Variants in MYO1E observed in about 807,000 individuals in gnomAD.
MYO1E encodes the protein myosin IE.
Under a neutral mutation model 151.1 loss-of-function variants are expected in MYO1E, and 68 were observed. That is an observed-to-expected ratio of 0.45 (90% confidence interval 0.37 to 0.55). MYO1E has a LOEUF of 0.55. MYO1E is among the 20% of genes least tolerant of loss of function. MYO1E has a pLI of 0.00. For synonymous variants in MYO1E, 601 were observed against 501.7 expected (o/e 1.20, Z -2.64); for missense variants, 1,363 against 1,389.3 (o/e 0.98, Z 0.30).
intron 1 of MYO1E, among the ~76,000 whole-genome samples, chr15:59,303,246 T>TTGTATTTTGGTAGAG (rs1467956988): frequency 6.6e-6 from 1 of 152,206 alleles, no homozygotes; most frequent in Non-Finnish European, 1.5e-5. Flanking sequence ...ACCCTGTCTC[T>TTGTATTTTGGTAGAG]ACCAAAAATA....
rs774695459 is a variant in MYO1E at position 59,173,901 on chromosome 15, A to C, written c.2179T>G (p.Leu727Val). ...TTTCTCCTTCTCTCCTTCTTGTTCA[A>C]TAAGAGGTCTGAGGCTACAATTCCC... ...QMREEASDLL[L>V]NKKERRRNSI... The change falls in exon 21 of 28, where the codon TTG becomes GTG. Residue 727 changes from leucine (L) to valine (V), a missense_variant. Leu to Val is a conservative substitution (Grantham distance 32). Coordinates refer to ENST00000288235, the MANE Select transcript of MYO1E (RefSeq NM_004998.4). The C allele has an allele frequency of 6.2e-7, 1 of 1,614,126 alleles. No homozygotes were observed. Among genetic ancestry groups the C allele is most frequent in the Non-Finnish European group, 8.5e-7 (1 of 1,179,998 alleles).
At chr15:59,359,826 T>C (rs2080875667) in intron 1 of MYO1E, 1 of 152,154 alleles carries the variant, frequency 6.6e-6, no homozygotes, top group Non-Finnish European at 1.5e-5. Context: ...GTCCCCTCAG[T>C]GGCTGGAGAT....
chr15:59,285,054 CT>C (rs1278026419), intron 1 of MYO1E, among the ~76,000 whole-genome samples: 3 of 152,212 alleles, frequency 2.0e-5, no homozygotes, highest in African/African-American at 4.8e-5. Context: ...CACATCACCA[CT>C]CTTGTTTTTA....
intron 2 of MYO1E, among the ~76,000 whole-genome samples, chr15:59,267,615 T>C (rs1176052212): frequency 6.6e-6 from 1 of 152,234 alleles, no homozygotes; most frequent in African/African-American, 2.4e-5. Context: ...GGACTCCTAA[T>C]TCAAGGATTA....
Position 59,223,185 on chromosome 15 carries a change from T to C in MYO1E, c.784A>G (p.Met262Val), listed in dbSNP as rs1471326207. 1.2e-6 allele frequency: 2 copies of C among 1,614,140 alleles called. No individual in the cohort carries two copies. Among genetic ancestry groups the C allele is most frequent in the South Asian group, 1.1e-5 (1 of 91,076 alleles). ...RREFQETLHA[M>V]NVIGIFAEEQ... ...TCTGCAAAGATCCCAATCACATTCA[T>C]GGCGTGCTGGAAGAGAAAAGAGAAA... Residue 262 changes from methionine to valine, a missense_variant, in exon 9 of 28, where the codon ATG becomes GTG. Met to Val is a conservative substitution (Grantham distance 21). Transcript: ENST00000288235.
In MYO1E at chr15:59,241,297, A is replaced by T. The variant is rs114918378; in HGVS notation, c.333-4625T>A. 1.9e-3 allele frequency among the ~76,000 whole-genome samples: 285 copies of T among 152,326 alleles called. 2 individuals carry two copies. The highest frequency in any genetic ancestry group is 6.5e-3 in the African/African-American group (269 of 41,566). On this transcript the variant is annotated intron_variant, in intron 4 of 27. Coordinates refer to ENST00000288235, the MANE Select transcript of MYO1E (RefSeq NM_004998.4). ...TGTGGGAGGCCACGGGAGTTGGAGA[A>T]CCAGCCTTAGCAAACAGCAAGATCT... is the stretch of plus-strand genomic sequence containing the variant.
chr15:59,214,438 G>T, intron 11 of MYO1E, 124 bp from the exon 12 acceptor site: 1 of 898,856 alleles, frequency 1.1e-6, no homozygotes, highest in South Asian at 1.5e-5. Context: ...TGCATCAAAA[G>T]AAATAAGTTT....
intron 4 of MYO1E, among the ~76,000 whole-genome samples, chr15:59,240,750 C>A (rs1347955840): frequency 6.6e-6 from 1 of 152,214 alleles, no homozygotes; most frequent in African/African-American, 2.4e-5. Context: ...TCCCTTGTAA[C>A]TGGCTGAATC....
At chr15:59,252,940 T>C (rs2080173699) in intron 4 of MYO1E, among the ~76,000 whole-genome samples, 1 of 152,094 alleles carries the variant, frequency 6.6e-6, no homozygotes, top group African/African-American at 2.4e-5. Context: ...CTGAAGAGAC[T>C]GTGGATTCTA....
At chr15:59,151,909 CACACACAA>C (rs2079482510) in intron 26 of MYO1E, among the ~76,000 whole-genome samples, 1 of 151,796 alleles carries the variant, frequency 6.6e-6, no homozygotes, top group South Asian at 2.1e-4. Flanking sequence ...CACACACACA[CACACACAA>C]ATTAGCCGGG....
intron 1 of MYO1E, among the ~76,000 whole-genome samples, chr15:59,356,866 T>C (rs1416962543): frequency 6.6e-6 from 1 of 151,006 alleles, no homozygotes; most frequent in African/African-American, 2.4e-5. Flanking sequence ...CACTGTGCCC[T>C]GCCTCCTGTT....
chr15:59,270,356 A>T (rs1199473215), intron 2 of MYO1E, among the ~76,000 whole-genome samples: 2 of 152,064 alleles, frequency 1.3e-5, no homozygotes, highest in East Asian at 3.9e-4. Context: ...GTTTGAGACC[A>T]GCCTGGGCAA....
intron 10 of MYO1E, among the ~76,000 whole-genome samples, chr15:59,216,666 G>GTCTA (rs777094542): frequency 6.5e-5 from 2 of 30,884 alleles, no homozygotes; most frequent in Non-Finnish European, 1.4e-4. Flanking sequence ...GTGTGTATGT[G>GTCTA]TATATATATA....
chr15:59,193,791 T>C (rs1412864217), intron 17 of MYO1E, among the ~76,000 whole-genome samples: 2 of 152,132 alleles, frequency 1.3e-5, no homozygotes, highest in Admixed American at 6.5e-5. Context: ...AAGTATGAGC[T>C]CCTCATCCGG....
intron 4 of MYO1E, among the ~76,000 whole-genome samples, chr15:59,239,142 G>A (rs1474272924): frequency 6.6e-6 from 1 of 151,226 alleles, no homozygotes; most frequent in Non-Finnish European, 1.5e-5. Context: ...GGAGGCAGAG[G>A]TTGCATTGAG....
In MYO1E at chr15:59,236,662, C is replaced by A. The variant is rs752517897; in HGVS notation, c.343G>T (p.Gly115Cys). Reference protein sequence around the residue: ...NQCVIISGESGAGKTVAAKYI... With the variant: ...NQCVIISGESCAGKTVAAKYI... The stretch of plus-strand genomic sequence containing the variant: ...TTGGCAGCCACTGTTTTTCCAGCAC[C>A]ACTTTCACCACTAAAGAAAGACAGA... Residue 115 changes from glycine (G) to cysteine (C), a missense_variant, in exon 5 of 28, where the codon GGT becomes TGT. By Grantham distance (159) the Gly-to-Cys change is radical (BLOSUM62 -3). Transcript: ENST00000288235. The A allele has an allele frequency of 1.3e-5, 21 of 1,612,844 alleles. No homozygotes were observed. Among genetic ancestry groups the A allele is most frequent in the Non-Finnish European group, 1.7e-5 (20 of 1,178,884 alleles).
Position 59,261,529 on chromosome 15 carries a change from G to A in MYO1E, c.148-20C>T, listed in dbSNP as rs2080224413. 1 of 1,467,986 alleles carries A rather than the reference G, an allele frequency of 6.8e-7. No homozygotes were observed. The highest frequency in any genetic ancestry group is 1.1e-5 in the South Asian group (1 of 87,952). The allele number at this position is 1,467,986 out of a possible 1,614,324, so 90.9% of individuals were successfully genotyped here. A position where few individuals can be genotyped will look rare whatever the true frequency, so the allele number is the denominator to read the frequency against. On this transcript the variant is annotated intron_variant, in intron 2 of 27. Coordinates refer to ENST00000288235, the MANE Select transcript of MYO1E (RefSeq NM_004998.4). ...ATATGTCTGAATTTAACTCAGTTAA[G>A]GTCCATCATTAATATTCATAGCTAC... is the stretch of plus-strand genomic sequence containing the variant.
At chr15:59,143,013 A>G (rs1454673147) in intron 26 of MYO1E, among the ~76,000 whole-genome samples, 2 of 152,066 alleles carry the variant, frequency 1.3e-5, no homozygotes, top group Non-Finnish European at 2.9e-5. Flanking sequence ...ATAAGATACC[A>G]AATTATAAAT....
chr15:59,221,019 TA>T (rs1269015492), intron 9 of MYO1E, among the ~76,000 whole-genome samples: 1 of 144,360 alleles, frequency 6.9e-6, no homozygotes, highest in Non-Finnish European at 1.5e-5. Flanking sequence ...AATATATATA[TA>T]AAATTTATAT....
Sources: allele counts gnomAD v4.1 joint callset (sites outside exome capture counted in the v4.1 genomes callset), GRCh38; gene constraint gnomAD v4.1.1; transcripts MANE v1.5; gene names NCBI Gene and HGNC (gene_info 2026-07-23, HGNC 2026-07-21).